TMEM131: variants seen among roughly 807,000 people sequenced by gnomAD.
The protein encoded by TMEM131 is transmembrane protein 131.
Under a neutral mutation model 211.6 loss-of-function variants are expected in TMEM131, and 66 were observed. The observed-to-expected ratio is 0.31, with a 90% CI of 0.26 to 0.38. TMEM131 has a LOEUF of 0.38. Ranked by LOEUF, TMEM131 falls within the 10% of genes least tolerant of loss-of-function variation. The pLI, the probability that TMEM131 is intolerant of heterozygous loss-of-function variation, is 1.00. For missense variants in TMEM131, 2,036 were observed against 2,299.3 expected (o/e 0.89, Z 2.34); for synonymous variants, 844 against 841.3 (o/e 1.00, Z -0.06).
chr2:97,828,014 T>C (rs1356140455), intron 11 of TMEM131, among the ~76,000 whole-genome samples: 2 of 152,268 alleles, frequency 1.3e-5, no homozygotes, highest in East Asian at 3.8e-4. Context: ...CAGAATTGTG[T>C]GCACTCTGTA....
At position 97,899,447 on chromosome 2, in the gene TMEM131, T is replaced by C. The variant is rs576957274; in HGVS notation, c.290+9211A>G. On this transcript the variant is annotated intron_variant, in intron 3 of 40. Transcript: ENST00000186436. ...GTAGAACAGTTATGAAGAGACAACA[T>C]CAAGAGACAAATATAAGCATGGCTC... 2.6e-4 allele frequency among the ~76,000 whole-genome samples: 39 copies of C among 152,216 alleles called. 1 individual carries two copies. The South Asian group carries it at 7.9e-3, about 31-fold the overall frequency.
intron 40 of TMEM131, among the ~76,000 whole-genome samples, chr2:97,757,793 C>T (rs994272558): frequency 2.0e-5 from 3 of 152,248 alleles, no homozygotes; most frequent in Non-Finnish European, 2.9e-5. Flanking sequence ...CTGCGCCCAT[C>T]GGCCTGTGCA....
intron 1 of TMEM131, among the ~76,000 whole-genome samples, chr2:97,993,636 T>C (rs1435948318): frequency 6.6e-6 from 1 of 152,188 alleles, no homozygotes; most frequent in Non-Finnish European, 1.5e-5. Context: ...CCACAAAGGA[T>C]ATCTGATTCA....
intron 4 of TMEM131, among the ~76,000 whole-genome samples, chr2:97,872,612 G>A (rs1016587036): frequency 6.6e-6 from 1 of 152,142 alleles, no homozygotes; most frequent in African/African-American, 2.4e-5. Flanking sequence ...GAAGCAGGGT[G>A]GGGCATCACC....
chr2:97,847,604 G>A (rs1055450205), intron 5 of TMEM131, among the ~76,000 whole-genome samples: 1 of 152,032 alleles, frequency 6.6e-6, no homozygotes, highest in Non-Finnish European at 1.5e-5. Context: ...CTCCTGAAAT[G>A]GATTTATATA....
chr2:97,823,730 T>C (rs1215726600), intron 11 of TMEM131, among the ~76,000 whole-genome samples: 1 of 152,162 alleles, frequency 6.6e-6, no homozygotes, highest in East Asian at 1.9e-4. Context: ...TTCAATGATG[T>C]CCACCATAAC....
intron 2 of TMEM131, among the ~76,000 whole-genome samples, chr2:97,918,010 G>T (rs1258132887): frequency 2.0e-5 from 3 of 151,084 alleles, no homozygotes; most frequent in Admixed American, 6.6e-5. Flanking sequence ...GCAGTGGCAC[G>T]ATCTCGGCTC....
intron 32 of TMEM131, among the ~76,000 whole-genome samples, chr2:97,774,481 AG>A (rs1679618699): frequency 1.3e-5 from 2 of 152,258 alleles, no homozygotes; most frequent in Non-Finnish European, 2.9e-5. Flanking sequence ...GCTGAGCAGG[AG>A]GAATAACTCG....
intron 1 of TMEM131, among the ~76,000 whole-genome samples, chr2:97,991,776 G>A (rs1046332292): frequency 6.6e-6 from 1 of 152,178 alleles, no homozygotes; most frequent in Admixed American, 6.5e-5. Context: ...GCAAGAGAGA[G>A]AACACCTAAA....
chr2:97,827,144 CAG>C, intron 11 of TMEM131: 2 of 465,324 alleles, frequency 4.3e-6, no homozygotes, highest in Non-Finnish European at 7.9e-6. Context: ...TAAAAGTTAA[CAG>C]TGTTGGGGAG....
intron 19 of TMEM131, among the ~76,000 whole-genome samples, chr2:97,807,890 A>C (rs1043587665): frequency 6.6e-6 from 1 of 152,246 alleles, no homozygotes; most frequent in Admixed American, 6.5e-5. Context: ...GATTTAATTA[A>C]GACCCAAACT....
At chr2:97,892,737 C>T (rs1675433140) in intron 3 of TMEM131, among the ~76,000 whole-genome samples, 1 of 152,084 alleles carries the variant, frequency 6.6e-6, no homozygotes, top group African/African-American at 2.4e-5. Context: ...CTATGAAAAG[C>T]TTGGTTTTAT....
intron 32 of TMEM131, among the ~76,000 whole-genome samples, chr2:97,773,245 G>A (rs1679551205): frequency 6.6e-6 from 1 of 152,222 alleles, no homozygotes; most frequent in African/African-American, 2.4e-5. Context: ...CCATCAATGG[G>A]AGGGGCTGTT....
rs1269824089 is a variant in TMEM131 at position 97,859,293 on chromosome 2, G to A, written c.483+11C>T. The A allele has an allele frequency of 6.3e-7, 1 of 1,589,088 alleles. No individual in the cohort carries two copies. Among genetic ancestry groups the A allele is most frequent in the East Asian group, 2.3e-5 (1 of 43,730 alleles). On this transcript the variant is annotated intron_variant, in intron 5 of 40. Transcript: ENST00000186436. ...AACTCAGGAAAGATCATGTATAGCA[G>A]AGAAACTTACCCTATTTTGAAAAAA...
intron 31 of TMEM131, among the ~76,000 whole-genome samples, chr2:97,779,332 G>A (rs1679882913): frequency 6.6e-6 from 1 of 152,226 alleles, no homozygotes; most frequent in Admixed American, 6.5e-5. Flanking sequence ...TCCCTAACCT[G>A]ACTGATAAGA....
intron 1 of TMEM131, among the ~76,000 whole-genome samples, chr2:97,935,808 G>C (rs7421146): frequency 0.27 from 41,232 of 152,138 alleles, 7,850 homozygotes; most frequent in Non-Finnish European, 0.39. Context: ...ATCTCCAAAA[G>C]CTTGCAGCAA....
intron 33 of TMEM131, among the ~76,000 whole-genome samples, chr2:97,769,231 C>T (rs1679347329): frequency 6.6e-6 from 1 of 152,158 alleles, no homozygotes; most frequent in African/African-American, 2.4e-5. Context: ...AAGCAATCCT[C>T]CTGCCTTGAC....
chr2:97,799,799 CCTT>C (rs1353929332), intron 25 of TMEM131, among the ~76,000 whole-genome samples: 1 of 152,128 alleles, frequency 6.6e-6, no homozygotes, highest in Non-Finnish European at 1.5e-5. Context: ...CTAAAATACT[CCTT>C]CTTTTTGTAA....
chr2:97,924,740 C>G (rs979652441), intron 2 of TMEM131, among the ~76,000 whole-genome samples: 1 of 152,152 alleles, frequency 6.6e-6, no homozygotes, highest in East Asian at 1.9e-4. Flanking sequence ...GTTTTGAGGA[C>G]TTTGGCCAAG....
Sources: gnomAD v4.1 joint callset for allele counts (sites outside exome capture counted in the v4.1 genomes callset) on GRCh38, gnomAD v4.1.1 for gene constraint, MANE v1.5 for transcripts, NCBI Gene and HGNC (gene_info 2026-07-23, HGNC 2026-07-21) for gene names.